MYO1E: variants seen among roughly 807,000 people sequenced by gnomAD.
MYO1E encodes the protein unconventional myosin-Ie.
MYO1E carries 68 observed loss-of-function variants against 151.1 expected under a neutral mutation model. The ratio of observed to expected loss-of-function variants is 0.45; its 90% CI spans 0.37 to 0.55. MYO1E has a LOEUF of 0.55. MYO1E is among the 20% of genes least tolerant of loss of function. MYO1E has a pLI of 0.00. For synonymous variants in MYO1E, 601 were observed against 501.7 expected (o/e 1.20, Z -2.64); for missense variants, 1,363 against 1,389.3 (o/e 0.98, Z 0.30).
At chr15:59,211,070 C>T (rs763271251) in intron 12 of MYO1E, among the ~76,000 whole-genome samples, 3 of 151,804 alleles carry the variant, frequency 2.0e-5, no homozygotes, top group Non-Finnish European at 4.4e-5. Flanking sequence ...TGTGGTGGGG[C>T]GCGCCTGTAA....
chr15:59,211,183 G>C (rs539142094), intron 12 of MYO1E, among the ~76,000 whole-genome samples: 13 of 142,522 alleles, frequency 9.1e-5, no homozygotes, highest in African/African-American at 3.2e-4. Context: ...CTGGATGACA[G>C]AGCGAAACTC....
intron 4 of MYO1E, among the ~76,000 whole-genome samples, chr15:59,254,202 A>T (rs1318934431): frequency 1.1e-4 from 17 of 152,034 alleles, no homozygotes; most frequent in African/African-American, 3.6e-4. Flanking sequence ...TAAAAAAACA[A>T]AACAAAACAA....
chr15:59,334,169 G>A (rs1053588631), intron 1 of MYO1E, among the ~76,000 whole-genome samples: 7 of 152,084 alleles, frequency 4.6e-5, no homozygotes, highest in Admixed American at 3.3e-4. Flanking sequence ...TAGTTCCAGC[G>A]ACTCAGGAAG....
chr15:59,307,099 A>T (rs2140407630), intron 1 of MYO1E, among the ~76,000 whole-genome samples: 1 of 152,352 alleles, frequency 6.6e-6, no homozygotes, highest in South Asian at 2.1e-4. Flanking sequence ...CAAAGCATGA[A>T]GTACAGGAGG....
chr15:59,278,400 C>T (rs527361085), intron 1 of MYO1E, among the ~76,000 whole-genome samples: 9 of 152,302 alleles, frequency 5.9e-5, no homozygotes, highest in African/African-American at 2.2e-4. Context: ...TGAGTAATAA[C>T]AGGAAAGGGA....
At chr15:59,310,284 G>A (rs1438967699) in intron 1 of MYO1E, among the ~76,000 whole-genome samples, 1 of 152,140 alleles carries the variant, frequency 6.6e-6, no homozygotes. Flanking sequence ...ATCTGTTGTG[G>A]GTTGCACTGT....
At chr15:59,222,597 C>T (rs1419511153) in intron 9 of MYO1E, among the ~76,000 whole-genome samples, 2 of 152,212 alleles carry the variant, frequency 1.3e-5, no homozygotes, top group Non-Finnish European at 2.9e-5. Flanking sequence ...ATGGAACAAA[C>T]TGTGAAGCTG....
rs1335232880 is a variant in MYO1E at position 59,350,899 on chromosome 15, G to GT, written c.3+21598dup. On this transcript the variant is annotated intron_variant, in intron 1 of 27. Transcript: ENST00000288235. The surrounding 1 kb of genome is among the most constrained non-coding windows in gnomAD (Gnocchi z 5.0). ...TGTTTGTTTGGTTGGTTGGTTTTTT[G>GT]TTTTTTGTCTTTTTTGAGACGGAGT... 7.2e-5 allele frequency among the ~76,000 whole-genome samples: 11 copies of GT among 152,106 alleles called. No individual in the cohort carries two copies. The highest frequency in any genetic ancestry group is 2.4e-4 in the African/African-American group (10 of 41,438).
At chr15:59,263,247 A>C (rs1234277979) in intron 2 of MYO1E, among the ~76,000 whole-genome samples, 1 of 152,236 alleles carries the variant, frequency 6.6e-6, no homozygotes, top group African/African-American at 2.4e-5. Flanking sequence ...CCAGGTGTTC[A>C]GTCAGATTGG....
chr15:59,168,190 A>C (rs574976974), intron 22 of MYO1E, among the ~76,000 whole-genome samples: 14 of 152,330 alleles, frequency 9.2e-5, no homozygotes, highest in African/African-American at 3.4e-4. Context: ...ACTTCTAAAA[A>C]TTTAACATCT....
chr15:59,363,550 T>C (rs1392588046), intron 1 of MYO1E, among the ~76,000 whole-genome samples: 1 of 152,206 alleles, frequency 6.6e-6, no homozygotes, highest in Non-Finnish European at 1.5e-5. Flanking sequence ...AAATAATTTA[T>C]TGAACCACTT....
chr15:59,171,681 C>T (rs1266864950), intron 22 of MYO1E, among the ~76,000 whole-genome samples: 4 of 152,152 alleles, frequency 2.6e-5, no homozygotes, highest in African/African-American at 7.2e-5. Context: ...AGGAGCTGTC[C>T]GGAGGCAACC....
chr15:59,297,437 A>ATTTTTTTTTTTTTTTTTTTTTTT (rs755470049), intron 1 of MYO1E, among the ~76,000 whole-genome samples: 1 of 63,454 alleles, frequency 1.6e-5, no homozygotes, highest in African/African-American at 4.0e-5. Flanking sequence ...CACCCAGCTA[A>ATTTTTTTTTTTTTTTTTTTTTTT]TTTTTTTTTT....
Position 59,214,723 on chromosome 15 carries a change from A to G in MYO1E, c.1108-3T>C, listed in dbSNP as rs1239148024. 1.2e-6 allele frequency: 2 copies of G among 1,610,326 alleles called. No homozygotes were observed. ...TTCTCCATGGCTTTATTGATGGACTAGAGAAAGTAAACAGCATGGCAGTGA... is the reference window on the plus strand; with the variant it reads ...TTCTCCATGGCTTTATTGATGGACTGGAGAAAGTAAACAGCATGGCAGTGA... On this transcript the variant is annotated splice_region_variant and splice_polypyrimidine_tract_variant and intron_variant, in intron 10 of 27. Coordinates refer to ENST00000288235, the MANE Select transcript of MYO1E (RefSeq NM_004998.4).
intron 9 of MYO1E, among the ~76,000 whole-genome samples, chr15:59,221,983 A>G (rs1202634481): frequency 3.3e-5 from 5 of 152,232 alleles, no homozygotes; most frequent in African/African-American, 1.2e-4. Context: ...TAATGTACAC[A>G]AAGTTTAGAA....
intron 17 of MYO1E, among the ~76,000 whole-genome samples, chr15:59,191,621 G>A (rs775466448): frequency 6.6e-6 from 1 of 152,116 alleles, no homozygotes; most frequent in Non-Finnish European, 1.5e-5. Context: ...AATCACATAG[G>A]AAGGAATATT....
rs2140340278 is a variant in MYO1E, at chr15:59,210,495, A to G, written c.1362+19T>C. On this transcript the variant is annotated intron_variant, in intron 13 of 27. Coordinates refer to ENST00000288235, the MANE Select transcript of MYO1E (RefSeq NM_004998.4). ...GTAAACCTGTGAGCAGTGAAAAGAC[A>G]TACTAAATGAACACTTACCACTTTG... is the stretch of plus-strand genomic sequence containing the variant. 1 of 1,486,064 alleles carries G rather than the reference A, an allele frequency of 6.7e-7. No individual in the cohort carries two copies. The highest frequency in any genetic ancestry group is 2.3e-5 in the East Asian group (1 of 44,250). 92.1% of individuals were successfully genotyped at this position (1,486,064 alleles called of 1,614,324 possible).
chr15:59,280,765 G>T (rs73424980), intron 1 of MYO1E, among the ~76,000 whole-genome samples: 3 of 151,974 alleles, frequency 2.0e-5, no homozygotes. Flanking sequence ...ATATTCTGGC[G>T]CATGACATTT....
intron 16 of MYO1E, among the ~76,000 whole-genome samples, chr15:59,197,231 G>A (rs1566976139): frequency 6.6e-6 from 1 of 152,096 alleles, no homozygotes. Flanking sequence ...GACCTCAGGT[G>A]ATCCACCCGC....
Sources: gnomAD v4.1 joint callset for allele counts (sites outside exome capture counted in the v4.1 genomes callset) on GRCh38, gnomAD v4.1.1 for gene constraint, Gnocchi (gnomAD v3.1) non-coding constraint, MANE v1.5 for transcripts, NCBI Gene and HGNC (gene_info 2026-07-23, HGNC 2026-07-21) for gene names.